TMPRSS6: variants seen among roughly 807,000 people sequenced by gnomAD.
TMPRSS6 encodes transmembrane protease serine 6.
In TMPRSS6, 67 loss-of-function variants were observed where a neutral mutation model predicts 101.5. The observed-to-expected ratio is 0.66, with a 90% confidence interval of 0.54 to 0.81. The LOEUF (loss-of-function observed/expected upper bound fraction) is 0.81, where lower values mean the gene tolerates loss of function less well. Ranked by LOEUF, TMPRSS6 falls within the 30% of genes least tolerant of loss-of-function variation. TMPRSS6 has a pLI of 0.00. For missense variants in TMPRSS6, 1,034 were observed against 1,088.7 expected, an observed-to-expected ratio of 0.95 and a Z score of 0.71; for synonymous variants, 453 against 464.9, an observed-to-expected ratio of 0.97 and a Z score of 0.33.
At chr22:37,082,935 G>T in intron 10 of TMPRSS6, 1 of 465,746 alleles carries the variant, frequency 2.1e-6, no homozygotes, top group Non-Finnish European at 4.4e-6. Flanking sequence ...GTCACCTTTT[G>T]TCTGGATGAT....
At chr22:37,071,880 C>T (rs116817067) in intron 13 of TMPRSS6, among the ~76,000 whole-genome samples, 262 of 152,078 alleles carry the variant, frequency 1.7e-3, no homozygotes, top group African/African-American at 5.8e-3. Context: ...CTAGGGAGAT[C>T]AGTGGATGGG....
Position 37,089,707 on chromosome 22 carries a change from C to A in TMPRSS6, c.707G>T (p.Cys236Phe), listed in dbSNP as rs763489601. 8 of 1,611,768 alleles carry A rather than the reference C, an allele frequency of 5.0e-6. No homozygotes were observed. The highest frequency in any genetic ancestry group is 1.3e-5 in the African/African-American group (1 of 74,920). Residue 236 changes from cysteine to phenylalanine, a missense_variant, in exon 7 of 18, where the codon TGC (cysteine) becomes TTC (phenylalanine). Physicochemically the swap from Cys to Phe is radical, Grantham distance 205. Transcript: ENST00000676104. ...CTTGGGGCCCTGCAGGTGCCACAGGCAGCTGGAGGCCAGGTGGTCAGGCCC... is the reference window on the plus strand; with the variant it reads ...CTTGGGGCCCTGCAGGTGCCACAGGAAGCTGGAGGCCAGGTGGTCAGGCCC... ...LKGPDHLASSCLWHLQGPKDL... is the reference protein window; with the variant it reads ...LKGPDHLASSFLWHLQGPKDL...
chr22:37,066,248 G>GC lies in TMPRSS6; in HGVS notation c.2251-11_2251-10insG. On this transcript the variant is annotated splice_polypyrimidine_tract_variant and intron_variant, in intron 17 of 17. Transcript: ENST00000676104. ...GACCACCTGAGTCACCCTGAAAGGG[G>GC]GAAAGGAGAAAGGACTGAAGCAGGG... The GC allele has an allele frequency of 6.2e-7, 1 of 1,606,658 alleles. No homozygotes were observed. The highest frequency in any genetic ancestry group is 8.5e-7 in the Non-Finnish European group (1 of 1,176,194).
chr22:37,079,017 G>GAAAGAA (rs374910501), intron 10 of TMPRSS6, among the ~76,000 whole-genome samples: 7 of 93,262 alleles, frequency 7.5e-5, no homozygotes, highest in East Asian at 4.5e-4. Context: ...AAGAAAGAAA[G>GAAAGAA]AGAAAGAGAG....
chr22:37,083,368 TC>T (rs1226699301), intron 10 of TMPRSS6, among the ~76,000 whole-genome samples: 1 of 145,384 alleles, frequency 6.9e-6, no homozygotes. Flanking sequence ...TTGCCCACCC[TC>T]CCCACTCTAA....
chr22:37,095,836 C>T (rs1377071416), intron 5 of TMPRSS6, 70 bp downstream of exon 5: 11 of 1,590,932 alleles, frequency 6.9e-6, no homozygotes, highest in African/African-American at 6.7e-5. Context: ...GCAGCCTCCC[C>T]GGGCCACACC....
intron 10 of TMPRSS6, among the ~76,000 whole-genome samples, chr22:37,079,016 A>AGAAAGAAAGAAAGAAAGAAAGAAG (rs1491380564): frequency 2.3e-5 from 3 of 129,728 alleles, no homozygotes; most frequent in South Asian, 2.8e-4. Flanking sequence ...AAAGAAAGAA[A>AGAAAGAAAGAAAGAAAGAAAGAAG]GAGAAAGAGA....
intron 1 of TMPRSS6, among the ~76,000 whole-genome samples, chr22:37,106,382 C>A (rs575437990): frequency 1.3e-5 from 2 of 151,814 alleles, no homozygotes; most frequent in African/African-American, 2.4e-5. Flanking sequence ...CTTGGTGGGC[C>A]TCCCCTCCCC....
chr22:37,097,720 G>A (rs1929901100), intron 3 of TMPRSS6, among the ~76,000 whole-genome samples: 1 of 116,844 alleles, frequency 8.6e-6, no homozygotes, highest in African/African-American at 3.4e-5. Flanking sequence ...AGGGGCAGGA[G>A]CGGGCCACCG....
At position 37,101,222 on chromosome 22, in the gene TMPRSS6, T is replaced by C. The variant is rs1317512767; in HGVS notation, c.202+1994A>G. On this transcript the variant is annotated intron_variant, in intron 2 of 17. Coordinates refer to ENST00000676104, the MANE Select transcript of TMPRSS6 (RefSeq NM_001374504.1). The surrounding 1 kb of genome is among the most constrained non-coding windows in gnomAD (Gnocchi z 4.1). ...CCAGGAGGAGTGCACGTGATGCAGC[T>C]GGGAGGGCAGGTGGGCCAACATATA... Among the ~76,000 whole-genome samples, 1 of 152,000 alleles carries C rather than the reference T, an allele frequency of 6.6e-6. No individual in the cohort carries two copies. Among genetic ancestry groups the C allele is most frequent in the African/African-American group, 2.4e-5 (1 of 41,352 alleles).
At chr22:37,084,579 C>A in intron 9 of TMPRSS6, 148 bp downstream of exon 9, 1 of 833,390 alleles carries the variant, frequency 1.2e-6, no homozygotes, top group Non-Finnish European at 2.0e-6. Context: ...GCCCACAGCC[C>A]TCTCCACCCT....
chr22:37,079,144 G>T (rs1440221908), intron 10 of TMPRSS6, among the ~76,000 whole-genome samples: 1 of 152,144 alleles, frequency 6.6e-6, no homozygotes, highest in East Asian at 1.9e-4. Context: ...AGAACTCTCT[G>T]GGGGAGGGTG....
chr22:37,069,178 C>G lies in TMPRSS6; in HGVS notation c.2008G>C (p.Val670Leu). The G allele has an allele frequency of 6.3e-7, 1 of 1,592,434 alleles. No homozygotes were observed. The highest frequency in any genetic ancestry group is 8.5e-7 in the Non-Finnish European group (1 of 1,170,724). The change falls in exon 16 of 18, where the codon GTG (valine) becomes CTG (leucine). Residue 670 changes from valine to leucine, a missense_variant. Physicochemically the swap from Val to Leu is conservative, Grantham distance 32. Coordinates refer to ENST00000676104, the MANE Select transcript of TMPRSS6 (RefSeq NM_001374504.1). This position sits in a 1 kb window ranked among gnomAD's most constrained non-coding sequence, Gnocchi z 4.8. Reference sequence around the variant, plus strand: ...ACGGGGCGCACGGCGGCCGAGCGCACCACCGGGTGGTCGAGCTGCAGCAGC... The same window carrying G: ...ACGGGGCGCACGGCGGCCGAGCGCAGCACCGGGTGGTCGAGCTGCAGCAGC... ...VALLQLDHPV[V>L]RSAAVRPVCL...
In TMPRSS6 at chr22:37,070,629, T is replaced by G; in HGVS notation, c.1696A>C (p.Ser566Arg). ...HCDCGLQGPS[S>R]RIVGGAVSSE... is the part of the protein sequence containing the mutation. ...GACACAGCTCCACCAACAATGCGGC[T>G]GGAGGGGCCCTGGAGGCCACAGTCT... Residue 566 changes from serine (S) to arginine (R), a missense_variant, in exon 15 of 18, where the codon AGC (serine) becomes CGC (arginine). Coordinates refer to ENST00000676104, the MANE Select transcript of TMPRSS6 (RefSeq NM_001374504.1). The G allele has an allele frequency of 6.2e-7, 1 of 1,612,414 alleles. No individual in the cohort carries two copies. The highest frequency in any genetic ancestry group is 8.5e-7 in the Non-Finnish European group (1 of 1,179,764).
rs916718473 is a variant in TMPRSS6, at chr22:37,101,968, T to C, written c.202+1248A>G. ...TGCTCAACTCTGGGTAGAATCACTA[T>C]AAGTCATTGCAAGCAGGCCCGTGTC... On this transcript the variant is annotated intron_variant, in intron 2 of 17. Transcript: ENST00000676104. The surrounding 1 kb of genome is among the most constrained non-coding windows in gnomAD (Gnocchi z 4.1). Among the ~76,000 whole-genome samples the C allele has an allele frequency of 6.6e-6, 1 of 152,154 alleles. No homozygotes were observed. Among genetic ancestry groups the C allele is most frequent in the Non-Finnish European group, 1.5e-5 (1 of 68,018 alleles).
At chr22:37,075,352 G>C in intron 10 of TMPRSS6, 72 bp from the exon 11 acceptor site, 1 of 1,595,258 alleles carries the variant, frequency 6.3e-7, no homozygotes, top group African/African-American at 1.3e-5. Flanking sequence ...ACAGAGCAAG[G>C]ACAGGCAGCC....
chr22:37,095,919 G>T lies in TMPRSS6; in HGVS notation c.576C>A (p.Gly192=). Residue 192 remains glycine, a synonymous_variant, in exon 5 of 18, where the codon GGC becomes GGA. Coordinates refer to ENST00000676104, the MANE Select transcript of TMPRSS6 (RefSeq NM_001374504.1). ...CGCAGTACTGACCCAGGATCACTAGGCCCTCGGGGTCCACTTCGTACTCGG... is the reference window on the plus strand; with the variant it reads ...CGCAGTACTGACCCAGGATCACTAGTCCCTCGGGGTCCACTTCGTACTCGG... The part of the protein sequence containing the change: ...YRAEYEVDPE[G]LVILEASVKD... 1.9e-6 allele frequency: 3 copies of T among 1,614,078 alleles called. No homozygotes were observed. Among genetic ancestry groups the T allele is most frequent in the Non-Finnish European group, 2.5e-6 (3 of 1,179,982 alleles).
intron 6 of TMPRSS6, among the ~76,000 whole-genome samples, chr22:37,091,889 CAG>C (rs1431918606): frequency 6.6e-6 from 1 of 152,172 alleles, no homozygotes; most frequent in Non-Finnish European, 1.5e-5. Context: ...ACCTGTGGCT[CAG>C]CCCCTTCTCC....
At chr22:37,107,579 A>T (rs2146200617) in intron 1 of TMPRSS6, among the ~76,000 whole-genome samples, 2 of 150,728 alleles carry the variant, frequency 1.3e-5, no homozygotes, top group African/African-American at 4.9e-5. Context: ...CTACCCAGTG[A>T]GTTCTCACAC....
Sources: allele counts gnomAD v4.1 joint callset (sites outside exome capture counted in the v4.1 genomes callset), GRCh38; gene constraint gnomAD v4.1.1; non-coding constraint Gnocchi (gnomAD v3.1); transcripts MANE v1.5; gene names NCBI Gene and HGNC (gene_info 2026-07-23, HGNC 2026-07-21).